SCML4: variants seen among roughly 807,000 people sequenced by gnomAD.
The protein encoded by SCML4 is Scm polycomb group protein like 4.
SCML4 carries 34 observed loss-of-function variants against 41.1 expected under a neutral mutation model. That is an observed-to-expected ratio of 0.83 (90% confidence interval 0.63 to 1.10). The LOEUF (loss-of-function observed/expected upper bound fraction) is 1.10, where lower values mean the gene tolerates loss of function less well. Among genes scored for constraint, SCML4 ranks in the 50% least tolerant of loss-of-function variants. SCML4 has a pLI of 0.00. For missense variants in SCML4, 522 were observed against 534.1 expected (o/e 0.98, Z 0.22); for synonymous variants, 214 against 220.9 (o/e 0.97, Z 0.28).
intron 2 of SCML4, among the ~76,000 whole-genome samples, chr6:107,764,220 T>A (rs186877185): frequency 3.6e-4 from 55 of 152,292 alleles, no homozygotes; most frequent in Admixed American, 8.5e-4. Flanking sequence ...ACTCGTACAT[T>A]TTTCCTTCTG....
intron 6 of SCML4, among the ~76,000 whole-genome samples, chr6:107,717,213 A>G (rs1774923816): frequency 7.0e-6 from 1 of 142,450 alleles, no homozygotes; most frequent in Admixed American, 7.1e-5. Flanking sequence ...CCAGCTACTC[A>G]GGAGGCTGAG....
At chr6:107,812,201 CA>C (rs1467183082) in intron 1 of SCML4, among the ~76,000 whole-genome samples, 1 of 152,232 alleles carries the variant, frequency 6.6e-6, no homozygotes, top group African/African-American at 2.4e-5. Context: ...CAGAATTAGT[CA>C]CCACCAGGGA....
intron 5 of SCML4, among the ~76,000 whole-genome samples, chr6:107,730,323 G>A (rs148007281): frequency 6.6e-6 from 1 of 152,262 alleles, no homozygotes; most frequent in Non-Finnish European, 1.5e-5. Flanking sequence ...GCTCACAGGC[G>A]AAGGCACTCA....
At chr6:107,712,752 G>C (rs545234293) in intron 6 of SCML4, among the ~76,000 whole-genome samples, 2 of 152,296 alleles carry the variant, frequency 1.3e-5, no homozygotes, top group East Asian at 3.9e-4. Flanking sequence ...ACAGTGGTCT[G>C]TGCTCACAAA....
At chr6:107,798,797 TTC>T (rs1215939942) in intron 1 of SCML4, among the ~76,000 whole-genome samples, 2 of 152,128 alleles carry the variant, frequency 1.3e-5, no homozygotes, top group East Asian at 1.9e-4. Context: ...GAGCTTTCTT[TTC>T]TGTTTTCATC....
At chr6:107,708,696 G>A (rs1619810) in intron 6 of SCML4, among the ~76,000 whole-genome samples, 106,831 of 152,002 alleles carry the variant, frequency 0.7, 37,961 homozygotes, top group Admixed American at 0.79. Flanking sequence ...CTCCCCCACT[G>A]CACTGTGAAC....
intron 6 of SCML4, among the ~76,000 whole-genome samples, chr6:107,714,914 C>G (rs1458984845): frequency 1.3e-5 from 2 of 149,960 alleles, no homozygotes; most frequent in African/African-American, 4.9e-5. Context: ...AAAGCCCCAT[C>G]TGCTTGAAAT....
chr6:107,817,353 C>T (rs1784616008), intron 1 of SCML4, among the ~76,000 whole-genome samples: 1 of 152,118 alleles, frequency 6.6e-6, no homozygotes, highest in African/African-American at 2.4e-5. Flanking sequence ...TGCAATGGCT[C>T]ACGCCTTAAT....
intron 1 of SCML4, among the ~76,000 whole-genome samples, chr6:107,815,525 T>G (rs1379824540): frequency 1.3e-5 from 2 of 152,192 alleles, no homozygotes; most frequent in Non-Finnish European, 2.9e-5. Flanking sequence ...TGTGTATCAT[T>G]TTGGAAAATC....
chr6:107,779,597 T>C (rs1400947741), intron 1 of SCML4, among the ~76,000 whole-genome samples: 1 of 152,180 alleles, frequency 6.6e-6, no homozygotes, highest in African/African-American at 2.4e-5. Context: ...GCATGGAGTG[T>C]GTTCCTGACC....
At position 107,751,572 on chromosome 6, in the gene SCML4, ATCTTTCTTTCTTTCTTTCTTTCTT is replaced by A. The variant is rs36148554; in HGVS notation, c.157-1783_157-1760del. 7.0e-3 allele frequency among the ~76,000 whole-genome samples: 615 copies of A among 87,758 alleles called. 2 individuals carry two copies. Among genetic ancestry groups the A allele is most frequent in the Non-Finnish European group, 8.4e-3 (364 of 43,164 alleles). The allele number at this position is 87,758 out of a possible 152,430, so 57.6% of individuals were successfully genotyped here. A position where few individuals can be genotyped will look rare whatever the true frequency, so the allele number is the denominator to read the frequency against. Reference sequence around the variant, plus strand: ...TAGGATTTAAACTAACATTTTAACAATCTTTCTTTCTTTCTTTCTTTCTTTCTTTCTTTCTTTCTTTCTTTCTTT... The same window carrying A: ...TAGGATTTAAACTAACATTTTAACAATCTTTCTTTCTTTCTTTCTTTCTTT... On this transcript the variant is annotated intron_variant, in intron 2 of 7. Transcript: ENST00000369020.
intron 1 of SCML4, among the ~76,000 whole-genome samples, chr6:107,780,397 A>G (rs1469837844): frequency 6.6e-6 from 1 of 152,182 alleles, no homozygotes. Flanking sequence ...TCCCTTGGAT[A>G]CTATTCTCCA....
Position 107,720,721 on chromosome 6 carries a change from G to A in SCML4, c.955C>T (p.Leu319Phe). The A allele has an allele frequency of 6.4e-7, 1 of 1,570,978 alleles. No individual in the cohort carries two copies. Among genetic ancestry groups the A allele is most frequent in the Non-Finnish European group, 8.6e-7 (1 of 1,162,308 alleles). ...ASSPKRNTTS[L>F]EGNRCASSPS... ...ACATTACCACATCTGTTTCCTTCAA[G>A]AGAGGTCGTGTTTCTCTTGGGGCTG... Residue 319 changes from leucine to phenylalanine, a missense_variant, in exon 6 of 8, where the codon CTT (leucine) becomes TTT (phenylalanine). By Grantham distance (22) the Leu-to-Phe change is conservative (BLOSUM62 0). Transcript: ENST00000369020.
At position 107,703,107 on chromosome 6, in the gene SCML4, C is replaced by A. The variant is rs1221982494; in HGVS notation, c.*2093G>T. Among the ~76,000 whole-genome samples the A allele has an allele frequency of 6.6e-6, 1 of 152,154 alleles. No individual in the cohort carries two copies. Among genetic ancestry groups the A allele is most frequent in the Non-Finnish European group, 1.5e-5 (1 of 68,014 alleles). ...CCCTATATGATCTAAAAGGGGGAGG[C>A]ATGAATAATCCACCCCTTGTTTAGC... On this transcript the variant is annotated 3_prime_UTR_variant, in exon 8 of 8. Coordinates refer to ENST00000369020, the MANE Select transcript of SCML4 (RefSeq NM_198081.5).
chr6:107,759,132 CAAAAAAAAAAAAA>C (rs60124415), intron 2 of SCML4, among the ~76,000 whole-genome samples: 1 of 88,220 alleles, frequency 1.1e-5, no homozygotes, highest in Non-Finnish European at 2.1e-5. Context: ...ACAAAAAATA[CAAAAAAAAAAAAA>C]AAAAAAAAAC....
chr6:107,772,147 G>A, intron 2 of SCML4, 25 bp downstream of exon 2: 1 of 1,536,054 alleles, frequency 6.5e-7, no homozygotes, highest in East Asian at 2.5e-5. Flanking sequence ...ATACCACTTT[G>A]GAGAAGGAGA....
chr6:107,741,943 C>A (rs1368940564), intron 5 of SCML4, among the ~76,000 whole-genome samples: 1 of 152,118 alleles, frequency 6.6e-6, no homozygotes, highest in Non-Finnish European at 1.5e-5. Flanking sequence ...GGCAAGGGAC[C>A]AGAAACCGAC....
chr6:107,842,490 C>A, the SCML4 span, among the ~76,000 whole-genome samples: 1 of 152,138 alleles, frequency 6.6e-6, no homozygotes, highest in Admixed American at 6.5e-5. Context: ...CTCCACCTAC[C>A]AGGTTCAAGC....
Position 107,756,979 on chromosome 6 carries a change from G to C in SCML4, c.157-7166C>G, listed in dbSNP as rs367633646. Among the ~76,000 whole-genome samples, 12 of 152,254 alleles carry C rather than the reference G, an allele frequency of 7.9e-5. No homozygotes were observed. In the East Asian group the frequency reaches 1.7e-3, roughly 22 times the overall value. On this transcript the variant is annotated intron_variant, in intron 2 of 7. Coordinates refer to ENST00000369020, the MANE Select transcript of SCML4 (RefSeq NM_198081.5). ...GCTAGTGCAGTTGCCACCTTTACCT[G>C]AGATTCAAAACCTCAACCCAGCAGG...
Sources: gnomAD v4.1 joint callset for allele counts (sites outside exome capture counted in the v4.1 genomes callset) on GRCh38, gnomAD v4.1.1 for gene constraint, MANE v1.5 for transcripts, NCBI Gene and HGNC (gene_info 2026-07-23, HGNC 2026-07-21) for gene names.